Variants in LMF1 observed in about 807,000 individuals in gnomAD.
LMF1 encodes lipase maturation factor 1, also known as transmembrane protein 112.
LMF1 carries 68 observed loss-of-function variants against 60.6 expected under a neutral mutation model. The observed-to-expected ratio is 1.12, with a 90% CI of 0.92 to 1.37. LMF1 has a LOEUF of 1.37. Among genes scored for constraint, LMF1 ranks in the 40% most tolerant of loss-of-function variants. The probability of loss-of-function intolerance (pLI) is 0.00; values close to 1 mark genes in which losing one functional copy is unlikely to be tolerated. For synonymous variants in LMF1, 418 were observed against 324.7 expected (o/e 1.29, Z -3.09); for missense variants, 948 against 767.2 (o/e 1.24, Z -2.78).
intron 3 of LMF1, 127 bp downstream of exon 3, chr16:934,117 G>A (rs779077622): frequency 1.3e-5 from 21 of 1,564,472 alleles, no homozygotes; most frequent in African/African-American, 4.0e-5. Flanking sequence ...ACTGCCCTCC[G>A]TGCATACTGG....
chr16:864,377 C>T (rs901216443), intron 10 of LMF1, among the ~76,000 whole-genome samples: 7 of 152,210 alleles, frequency 4.6e-5, no homozygotes, highest in South Asian at 2.1e-4. Context: ...GATACGCACT[C>T]GGTAGGAACC....
At chr16:870,927 C>A in intron 7 of LMF1, 45 bp from the exon 8 acceptor site, 1 of 1,553,626 alleles carries the variant, frequency 6.4e-7, no homozygotes, top group Non-Finnish European at 8.7e-7. Context: ...CCAGCTGCCC[C>A]GTGGCCTGTC....
intron 2 of LMF1, among the ~76,000 whole-genome samples, chr16:940,646 T>C (rs1490839567): frequency 2.0e-5 from 3 of 152,222 alleles, no homozygotes; most frequent in African/African-American, 2.4e-5. Flanking sequence ...AGGATTATCC[T>C]TAGGTCAGAT....
chr16:920,823 T>A (rs2071411806), intron 3 of LMF1, among the ~76,000 whole-genome samples: 1 of 152,176 alleles, frequency 6.6e-6, no homozygotes, highest in East Asian at 1.9e-4. Context: ...ATAGTCGACT[T>A]CCCGTCCAAA....
At chr16:896,287 A>T (rs1283272224) in intron 4 of LMF1, among the ~76,000 whole-genome samples, 1 of 151,942 alleles carries the variant, frequency 6.6e-6, no homozygotes, top group Non-Finnish European at 1.5e-5. Context: ...AGGCTCAGCC[A>T]CCCCGCGCAC....
chr16:870,988 CG>C, intron 7 of LMF1, 106 bp from the exon 8 acceptor site: 1 of 1,455,658 alleles, frequency 6.9e-7, no homozygotes, highest in Non-Finnish European at 9.1e-7. Flanking sequence ...TCCTGGGTCC[CG>C]GGGACGGAGC....
At chr16:888,611 G>A (rs1010690012) in intron 5 of LMF1, among the ~76,000 whole-genome samples, 3 of 152,158 alleles carry the variant, frequency 2.0e-5, no homozygotes, top group Non-Finnish European at 2.9e-5. Flanking sequence ...CATCCGCGTC[G>A]TCAGGCAACC....
At position 921,561 on chromosome 16, in the gene LMF1, G is replaced by A. The variant is rs116970990; in HGVS notation, c.515-10482C>T. 6.7e-3 allele frequency among the ~76,000 whole-genome samples: 1,017 copies of A among 152,348 alleles called. 5 individuals are homozygous for A. The highest frequency in any genetic ancestry group is 0.011 in the Non-Finnish European group (764 of 68,036). ...GCTGTATCTCTGTACAAATGCGGGC[G>A]GTGACGAGTGGGGATGACGGGACTT... On this transcript the variant is annotated intron_variant, in intron 3 of 10. Coordinates refer to ENST00000262301, the MANE Select transcript of LMF1 (RefSeq NM_022773.4).
chr16:971,880 C>G (rs924027382), upstream of LMF1, among the ~76,000 whole-genome samples: 2 of 152,160 alleles, frequency 1.3e-5, no homozygotes, highest in Non-Finnish European at 2.9e-5. Flanking sequence ...TGTCAGCACT[C>G]TTTACGTATG....
At chr16:981,297 TGTGTGTGAGAGAGAGAGAGAGAGAGA>T, upstream of LMF1, 2 of 392,856 alleles carry the variant, frequency 5.1e-6, no homozygotes, top group African/African-American at 3.0e-5. Context: ...TGTGTGTGTG[TGTGTGTGAGAGAGAGAGAGAGAGAGA>T]GAGAGAGAGA....
intron 2 of LMF1, among the ~76,000 whole-genome samples, chr16:943,869 T>C (rs1175194883): frequency 6.6e-6 from 1 of 152,216 alleles, no homozygotes; most frequent in East Asian, 1.9e-4. Flanking sequence ...TTGTTTCCTG[T>C]ATAGGGATCC....
At chr16:956,237 C>A (rs541723820) in intron 1 of LMF1, among the ~76,000 whole-genome samples, 1 of 149,472 alleles carries the variant, frequency 6.7e-6, no homozygotes, top group African/African-American at 2.4e-5. Flanking sequence ...CACCCCACGA[C>A]GGCTCTCTCA....
chr16:970,324 G>A (rs1205342227), intron 1 of LMF1, among the ~76,000 whole-genome samples: 2 of 152,178 alleles, frequency 1.3e-5, no homozygotes, highest in South Asian at 2.1e-4. Context: ...TTCACCGTCA[G>A]CACAGCGCTG....
At chr16:933,908 A>T in intron 3 of LMF1, 1 of 1,269,688 alleles carries the variant, frequency 7.9e-7, no homozygotes, top group Non-Finnish European at 1.0e-6. Context: ...CTCTATGCCG[A>T]GGGGCACACA....
At chr16:980,339 T>C in intron 1 of LMF1, 1 of 153,776 alleles carries the variant, frequency 6.5e-6, no homozygotes, top group South Asian at 2.0e-4. Flanking sequence ...GAACAGGGGG[T>C]AGGAGGCGCG....
chr16:873,715 G>A (rs975146387), intron 6 of LMF1: 1 of 152,368 alleles, frequency 6.6e-6, no homozygotes. Flanking sequence ...TGGTGGGCGT[G>A]AACCCAGGTC....
At chr16:889,742 C>T (rs990280472) in intron 5 of LMF1, among the ~76,000 whole-genome samples, 12 of 152,206 alleles carry the variant, frequency 7.9e-5, no homozygotes, top group African/African-American at 2.2e-4. Flanking sequence ...TGCCACCTTC[C>T]GGAATCAGGT....
intron 1 of LMF1, 104 bp from the exon 2 acceptor site, chr16:954,770 C>A: frequency 9.4e-7 from 1 of 1,068,170 alleles, no homozygotes; most frequent in African/African-American, 1.6e-5. Context: ...GAAGGGGAGG[C>A]AGAGTCTGGC....
At chr16:942,673 C>T (rs1230495337) in intron 2 of LMF1, among the ~76,000 whole-genome samples, 1 of 135,686 alleles carries the variant, frequency 7.4e-6, no homozygotes, top group Non-Finnish European at 1.6e-5. Flanking sequence ...GCTATTTGCC[C>T]CATTCTCTGT....
Sources: gnomAD v4.1 joint callset for allele counts (sites outside exome capture counted in the v4.1 genomes callset) on GRCh38, gnomAD v4.1.1 for gene constraint, MANE v1.5 for transcripts, NCBI Gene and HGNC (gene_info 2026-07-23, HGNC 2026-07-21) for gene names.